CTNNA3: variants seen among roughly 807,000 people sequenced by gnomAD.
The protein encoded by CTNNA3 is catenin alpha-3.
A neutral mutation model predicts 95.7 loss-of-function variants in CTNNA3; 76 were observed. The observed-to-expected ratio is 0.79, with a 90% CI of 0.66 to 0.96. The LOEUF is 0.96. Among genes scored for constraint, CTNNA3 ranks in the 40% least tolerant of loss-of-function variants. The pLI is 0.00. For synonymous variants in CTNNA3, 431 were observed against 374.4 expected, an observed-to-expected ratio of 1.15 and a Z score of -1.74; for missense variants, 1,191 against 1,089.8, an observed-to-expected ratio of 1.09 and a Z score of -1.31.
intron 9 of CTNNA3, among the ~76,000 whole-genome samples, chr10:66,636,082 C>T (rs984755310): frequency 6.7e-5 from 10 of 149,616 alleles, no homozygotes; most frequent in African/African-American, 2.2e-4. Flanking sequence ...ATATGAAGTC[C>T]GAGCAAAATT....
intron 16 of CTNNA3, among the ~76,000 whole-genome samples, chr10:65,987,980 G>A (rs968880279): frequency 6.6e-6 from 1 of 152,028 alleles, no homozygotes; most frequent in Non-Finnish European, 1.5e-5. Flanking sequence ...AGTTTTAAAA[G>A]TTGATGACAC....
chr10:67,668,712 A>T (rs1400063870), intron 1 of CTNNA3, among the ~76,000 whole-genome samples: 2 of 152,036 alleles, frequency 1.3e-5, no homozygotes, highest in East Asian at 3.9e-4. Context: ...AATGGCACAC[A>T]CTTAAAACTT....
intron 11 of CTNNA3, among the ~76,000 whole-genome samples, chr10:66,381,179 C>A (rs16922923): frequency 0.16 from 24,556 of 152,126 alleles, 2,722 homozygotes; most frequent in East Asian, 0.45. Context: ...CAAAATCCTT[C>A]ATGATCTTCC....
At chr10:66,612,696 TA>T (rs1037008728) in intron 10 of CTNNA3, among the ~76,000 whole-genome samples, 1 of 152,130 alleles carries the variant, frequency 6.6e-6, no homozygotes, top group African/African-American at 2.4e-5. Context: ...GTGCCTCCTG[TA>T]AAGAAACAAC....
At chr10:66,423,107 G>A (rs1358971508) in intron 11 of CTNNA3, among the ~76,000 whole-genome samples, 1 of 151,972 alleles carries the variant, frequency 6.6e-6, no homozygotes, top group African/African-American at 2.4e-5. Context: ...AGGGCTACTA[G>A]GCTATATATG....
chr10:67,325,137 T>C (rs932131204), intron 5 of CTNNA3, among the ~76,000 whole-genome samples: 1 of 152,096 alleles, frequency 6.6e-6, no homozygotes, highest in African/African-American at 2.4e-5. Context: ...TTTCCTTCTT[T>C]ATTAGTCTAG....
chr10:66,455,028 CT>C (rs1053225762), intron 11 of CTNNA3, among the ~76,000 whole-genome samples: 3 of 127,814 alleles, frequency 2.3e-5, no homozygotes, highest in African/African-American at 1.0e-4. Context: ...ATAATTATTT[CT>C]TTTTTTCAGG....
chr10:66,045,865 C>T (rs144300257), intron 15 of CTNNA3, among the ~76,000 whole-genome samples: 165 of 152,238 alleles, frequency 1.1e-3, no homozygotes, highest in African/African-American at 3.8e-3. Flanking sequence ...AACACCTATA[C>T]AATATTCTCA....
intron 7 of CTNNA3, among the ~76,000 whole-genome samples, chr10:66,860,409 A>C (rs1843868211): frequency 6.6e-6 from 1 of 152,166 alleles, no homozygotes; most frequent in African/African-American, 2.4e-5. Context: ...GGATTTTGGG[A>C]CTTCCTTATT....
At chr10:66,815,701 A>G (rs1296281907) in intron 7 of CTNNA3, among the ~76,000 whole-genome samples, 1 of 152,306 alleles carries the variant, frequency 6.6e-6, no homozygotes, top group East Asian at 1.9e-4. Flanking sequence ...TTTGGAAATA[A>G]TATATTTAAA....
At chr10:66,238,074 A>G (rs570254377) in intron 13 of CTNNA3, among the ~76,000 whole-genome samples, 132 of 152,218 alleles carry the variant, frequency 8.7e-4, no homozygotes, top group African/African-American at 3.1e-3. Context: ...TATTTAAAAG[A>G]TAGATTTATC....
At position 67,673,097 on chromosome 10, in the gene CTNNA3, C is replaced by T. The variant is rs201694691; in HGVS notation, c.-6+22903G>A. Among the ~76,000 whole-genome samples, 74 of 151,802 alleles carry T rather than the reference C, an allele frequency of 4.9e-4. 1 individual carries two copies. In the East Asian group the frequency reaches 9.7e-3, roughly 20 times the overall value. On this transcript the variant is annotated intron_variant, in intron 1 of 17. Transcript: ENST00000433211. ...TCACATCCCTTGTAAGTTGGATTCC[C>T]AGGTATTTTATTCTCTTTGAAGCAA...
intron 17 of CTNNA3, among the ~76,000 whole-genome samples, chr10:65,956,468 A>C (rs993543259): frequency 4.6e-5 from 7 of 152,012 alleles, no homozygotes; most frequent in African/African-American, 1.7e-4. Flanking sequence ...TAGTTCTTTT[A>C]ATTGTGATGT....
intron 2 of CTNNA3, among the ~76,000 whole-genome samples, chr10:67,640,056 G>T (rs151251348): frequency 2.0e-5 from 3 of 152,180 alleles, no homozygotes; most frequent in Non-Finnish European, 2.9e-5. Context: ...AAAACAGGAA[G>T]TCAAACTGTC....
intron 5 of CTNNA3, among the ~76,000 whole-genome samples, chr10:67,444,542 T>A (rs916487219): frequency 2.0e-5 from 3 of 151,716 alleles, no homozygotes; most frequent in African/African-American, 7.3e-5. Context: ...TAAATAATAA[T>A]GATCAGAGCA....
intron 12 of CTNNA3, among the ~76,000 whole-genome samples, chr10:66,315,750 T>C (rs2092092247): frequency 6.6e-6 from 1 of 152,088 alleles, no homozygotes; most frequent in Admixed American, 6.6e-5. Flanking sequence ...TATTCTGTAA[T>C]ATTTCATCCT....
At chr10:67,646,500 C>G (rs1399330806) in intron 2 of CTNNA3, among the ~76,000 whole-genome samples, 3 of 151,916 alleles carry the variant, frequency 2.0e-5, no homozygotes, top group Non-Finnish European at 4.4e-5. Flanking sequence ...CAGATATCAA[C>G]TTGTACAACA....
At chr10:67,481,399 C>T (rs1448549544) in intron 5 of CTNNA3, among the ~76,000 whole-genome samples, 1 of 152,132 alleles carries the variant, frequency 6.6e-6, no homozygotes, top group East Asian at 1.9e-4. Context: ...TATCTAAAGG[C>T]TCCTGAAACA....
chr10:67,276,044 A>C (rs914146170), intron 5 of CTNNA3, among the ~76,000 whole-genome samples: 1 of 152,164 alleles, frequency 6.6e-6, no homozygotes, highest in Non-Finnish European at 1.5e-5. Flanking sequence ...GGAAACTTTA[A>C]AAATGTTCAG....
Sources: gnomAD v4.1 joint callset for allele counts (sites outside exome capture counted in the v4.1 genomes callset) on GRCh38, gnomAD v4.1.1 for gene constraint, MANE v1.5 for transcripts, NCBI Gene and HGNC (gene_info 2026-07-23, HGNC 2026-07-21) for gene names.